Variants in GRM1 observed in about 807,000 individuals in gnomAD.
GRM1 encodes glutamate metabotropic receptor 1.
Under a neutral mutation model 90.9 loss-of-function variants are expected in GRM1, and 33 were observed. That is an observed-to-expected ratio of 0.36 (90% CI 0.28 to 0.49). The LOEUF is 0.49. Ranked by LOEUF, GRM1 falls within the 20% of genes least tolerant of loss-of-function variation. GRM1 has a pLI of 0.99. For missense variants in GRM1, 1,190 were observed against 1,534.3 expected (o/e 0.78, Z 3.75); for synonymous variants, 700 against 613.2 (o/e 1.14, Z -2.09).
intron 2 of GRM1, among the ~76,000 whole-genome samples, chr6:146,160,302 G>C (rs1777676707): frequency 6.6e-6 from 1 of 152,148 alleles, no homozygotes; most frequent in Admixed American, 6.5e-5. Flanking sequence ...GTGATTTCTG[G>C]AATTGCTGGT....
intron 1 of GRM1, among the ~76,000 whole-genome samples, chr6:146,123,193 G>T (rs1277784902): frequency 6.6e-6 from 1 of 151,904 alleles, no homozygotes; most frequent in Non-Finnish European, 1.5e-5. Context: ...TCCTTGGTTT[G>T]GTCTAACACC....
At chr6:146,086,547 T>C (rs1030002971) in intron 1 of GRM1, among the ~76,000 whole-genome samples, 3 of 152,040 alleles carry the variant, frequency 2.0e-5, no homozygotes, top group Admixed American at 2.0e-4. Context: ...GGCATTTTCT[T>C]TCCTGGATAG....
chr6:146,430,454 CG>C (rs1778366979), intron 7 of GRM1, among the ~76,000 whole-genome samples: 1 of 152,132 alleles, frequency 6.6e-6, no homozygotes, highest in Admixed American at 6.5e-5. Flanking sequence ...CTTTTGAAGT[CG>C]GAGCAAAAGG....
At chr6:146,037,498 CT>C (rs1790933798) in intron 1 of GRM1, among the ~76,000 whole-genome samples, 1 of 151,752 alleles carries the variant, frequency 6.6e-6, no homozygotes, top group Non-Finnish European at 1.5e-5. Flanking sequence ...TCTTTCTTTC[CT>C]TTTTAACCCT....
intron 2 of GRM1, among the ~76,000 whole-genome samples, chr6:146,200,153 G>A (rs1779255049): frequency 1.3e-5 from 2 of 152,096 alleles, no homozygotes; most frequent in Admixed American, 1.3e-4. Flanking sequence ...ATTTGCCTTG[G>A]CTGAGCATTA....
chr6:146,147,194 G>A (rs1282926384), intron 1 of GRM1, among the ~76,000 whole-genome samples: 1 of 152,170 alleles, frequency 6.6e-6, no homozygotes, highest in Non-Finnish European at 1.5e-5. Context: ...TTTTATTAAA[G>A]AAGAACAGAG....
intron 1 of GRM1, among the ~76,000 whole-genome samples, chr6:146,061,249 A>T (rs988738245): frequency 6.6e-6 from 1 of 152,172 alleles, no homozygotes; most frequent in African/African-American, 2.4e-5. Flanking sequence ...AAAAGTCTGA[A>T]ATACTGCAAG....
At chr6:146,344,230 G>T (rs1455092109) in intron 3 of GRM1, among the ~76,000 whole-genome samples, 1 of 152,100 alleles carries the variant, frequency 6.6e-6, no homozygotes, top group Non-Finnish European at 1.5e-5. Flanking sequence ...TGGTATACGT[G>T]TGTGTAGCTA....
chr6:146,403,884 T>A (rs749763231), intron 7 of GRM1, among the ~76,000 whole-genome samples: 1 of 152,176 alleles, frequency 6.6e-6, no homozygotes, highest in Non-Finnish European at 1.5e-5. Flanking sequence ...TTTCAATACC[T>A]GAATGCCATG....
chr6:146,419,520 G>A (rs1777912183), intron 7 of GRM1, among the ~76,000 whole-genome samples: 1 of 152,138 alleles, frequency 6.6e-6, no homozygotes, highest in African/African-American at 2.4e-5. Context: ...GGCACTATAT[G>A]GAGGCTGAGT....
chr6:146,260,482 G>T (rs9497514), intron 2 of GRM1, among the ~76,000 whole-genome samples: 17,261 of 152,132 alleles, frequency 0.11, 1,941 homozygotes, highest in African/African-American at 0.29. Flanking sequence ...GTGTTTTATA[G>T]TAGAATGATT....
intron 3 of GRM1, among the ~76,000 whole-genome samples, chr6:146,315,938 C>T (rs1440048459): frequency 1.3e-5 from 2 of 152,152 alleles, no homozygotes; most frequent in Non-Finnish European, 2.9e-5. Context: ...CTGTATGCCT[C>T]CCTGTCCAGA....
intron 2 of GRM1, among the ~76,000 whole-genome samples, chr6:146,194,477 G>A (rs1779049575): frequency 6.6e-6 from 1 of 151,976 alleles, no homozygotes; most frequent in South Asian, 2.1e-4. Context: ...CAACATCAGG[G>A]GCAACTTTTG....
In GRM1 at chr6:146,434,840, C is replaced by A. The variant is rs969972035; in HGVS notation, c.*44C>A. The A allele has an allele frequency of 8.0e-6, 12 of 1,495,600 alleles. No individual in the cohort carries two copies. The highest frequency in any genetic ancestry group is 1.1e-5 in the Non-Finnish European group (12 of 1,086,212). 92.6% of individuals were successfully genotyped at this position (1,495,600 alleles called of 1,614,324 possible). A position where few individuals can be genotyped will look rare whatever the true frequency, so the allele number is the denominator to read the frequency against. ...GAAAAGCAAGACAAGCCAGAGATCT[C>A]CCACACCTCCAGAGATGTGCAAACA... On this transcript the variant is annotated 3_prime_UTR_variant, in exon 8 of 8. Transcript: ENST00000282753.
intron 1 of GRM1, among the ~76,000 whole-genome samples, chr6:146,034,119 G>A (rs1045752998): frequency 2.4e-4 from 36 of 152,016 alleles, no homozygotes; most frequent in African/African-American, 8.7e-4. Flanking sequence ...TGTGATTAGG[G>A]TTTCTAATTA....
chr6:146,403,681 T>C (rs1349757441), intron 7 of GRM1, among the ~76,000 whole-genome samples: 3 of 152,112 alleles, frequency 2.0e-5, no homozygotes, highest in African/African-American at 4.8e-5. Context: ...GTAAGCATTT[T>C]GGTTTTCTTT....
At chr6:146,405,494 C>G (rs750251334) in intron 7 of GRM1, among the ~76,000 whole-genome samples, 6 of 152,162 alleles carry the variant, frequency 3.9e-5, no homozygotes, top group Non-Finnish European at 8.8e-5. Context: ...AACTGAGCTG[C>G]TGAAATAAAA....
intron 1 of GRM1, among the ~76,000 whole-genome samples, chr6:146,059,010 G>T (rs864952): frequency 1 from 152,250 of 152,250 alleles, 76,125 homozygotes; most frequent in Non-Finnish European, 1. Flanking sequence ...TTCATGAAGG[G>T]TGGAATCAAC....
intron 1 of GRM1, among the ~76,000 whole-genome samples, chr6:146,036,162 C>T (rs1790884013): frequency 6.6e-6 from 1 of 151,954 alleles, no homozygotes; most frequent in Admixed American, 6.6e-5. Flanking sequence ...TGGGCAGTGA[C>T]TGGAGTGATG....
Sources: allele counts gnomAD v4.1 joint callset (sites outside exome capture counted in the v4.1 genomes callset), GRCh38; gene constraint gnomAD v4.1.1; transcripts MANE v1.5; gene names NCBI Gene and HGNC (gene_info 2026-07-23, HGNC 2026-07-21).